The following DNAAF10 variants were observed in gnomAD, a reference collection of about 807,000 sequenced individuals.
DNAAF10 encodes dynein axonemal assembly factor 10, also known as WD repeat domain 92.
DNAAF10 carries 28 observed loss-of-function variants against 43.7 expected under a neutral mutation model. That is an observed-to-expected ratio of 0.64 (90% CI 0.48 to 0.88). The LOEUF (loss-of-function observed/expected upper bound fraction) is 0.88, where lower values mean the gene tolerates loss of function less well. Among genes scored for constraint, DNAAF10 ranks in the 40% least tolerant of loss-of-function variants. The pLI is 0.00. For missense variants in DNAAF10, 403 were observed against 439.1 expected (o/e 0.92, Z 0.73); for synonymous variants, 156 against 157.3 (o/e 0.99, Z 0.06).
At chr2:68,147,614 T>C (rs1673351361) in intron 1 of DNAAF10, 47 bp from the exon 2 acceptor site, 10 of 1,402,516 alleles carry the variant, frequency 7.1e-6, no homozygotes, top group South Asian at 1.3e-5. Flanking sequence ...TGTAAGCAGA[T>C]ATTTATAATC....
At chr2:68,133,264 G>A (rs570248996) in intron 7 of DNAAF10, among the ~76,000 whole-genome samples, 2 of 151,988 alleles carry the variant, frequency 1.3e-5, no homozygotes, top group African/African-American at 2.4e-5. Context: ...AGTCTCTGTC[G>A]CTCTGTCTCA....
intron 1 of DNAAF10, among the ~76,000 whole-genome samples, chr2:68,148,661 G>C (rs1673382220): frequency 1.3e-5 from 2 of 152,090 alleles, no homozygotes; most frequent in East Asian, 1.9e-4. Flanking sequence ...ACTGATATCT[G>C]TCCCACATCA....
intron 6 of DNAAF10, among the ~76,000 whole-genome samples, chr2:68,136,703 G>A (rs184659728): frequency 6.6e-6 from 1 of 152,254 alleles, no homozygotes; most frequent in African/African-American, 2.4e-5. Context: ...CCCCAGTCCA[G>A]AAACTATCTT....
At chr2:68,140,876 T>G (rs542604277) in intron 4 of DNAAF10, among the ~76,000 whole-genome samples, 2 of 152,356 alleles carry the variant, frequency 1.3e-5, no homozygotes, top group South Asian at 4.1e-4. Context: ...AGACTTCTTG[T>G]GCTTGTCATT....
At chr2:68,143,980 C>T (rs1344837980) in intron 3 of DNAAF10, among the ~76,000 whole-genome samples, 1 of 152,160 alleles carries the variant, frequency 6.6e-6, no homozygotes, top group Non-Finnish European at 1.5e-5. Context: ...AAACAACTAG[C>T]CAAATCAATT....
chr2:68,153,261 CAA>C (rs889652458), intron 1 of DNAAF10, among the ~76,000 whole-genome samples: 3 of 145,068 alleles, frequency 2.1e-5, no homozygotes, highest in Non-Finnish European at 4.5e-5. Context: ...AAGACTTCAA[CAA>C]AGACTGATAT....
chr2:68,157,516 C>T lies in DNAAF10; in HGVS notation c.-73G>A, dbSNP rs986312298. 2 of 1,599,626 alleles carry T rather than the reference C, an allele frequency of 1.3e-6. No individual in the cohort carries two copies. Among genetic ancestry groups the T allele is most frequent in the Non-Finnish European group, 1.7e-6 (2 of 1,166,802 alleles). On this transcript the variant is annotated 5_prime_UTR_variant, in exon 1 of 8. Coordinates refer to ENST00000295121, the MANE Select transcript of DNAAF10 (RefSeq NM_138458.4). ...AAAACGGCAACCTGGAAACCAGACT[C>T]CAAACATTGGCAATTTGTCCCTCCC...
At chr2:68,154,881 G>A (rs1226292971) in intron 1 of DNAAF10, among the ~76,000 whole-genome samples, 1 of 152,062 alleles carries the variant, frequency 6.6e-6, no homozygotes, top group Non-Finnish European at 1.5e-5. Context: ...TCCCACCACA[G>A]CCTCCCAAGT....
At chr2:68,140,815 A>G (rs1197423922) in intron 4 of DNAAF10, among the ~76,000 whole-genome samples, 2 of 152,230 alleles carry the variant, frequency 1.3e-5, no homozygotes, top group East Asian at 3.8e-4. Context: ...GGCAACCAAC[A>G]ATGGATCGAA....
At chr2:68,147,408 T>C (rs1673343917) in intron 2 of DNAAF10, 59 bp downstream of exon 2, 2 of 1,257,344 alleles carry the variant, frequency 1.6e-6, no homozygotes, top group African/African-American at 1.5e-5. Context: ...GAAAGAGTAA[T>C]GAAACTATCA....
At chr2:68,140,911 C>G (rs559493156) in intron 4 of DNAAF10, among the ~76,000 whole-genome samples, 16 of 152,290 alleles carry the variant, frequency 1.1e-4, no homozygotes, top group African/African-American at 3.8e-4. Context: ...ACAACAATGA[C>G]TGACACAGCA....
Position 68,147,557 on chromosome 2 carries a change from G to T in DNAAF10, c.194C>A (p.Ala65Asp), listed in dbSNP as rs1299377435. 6.2e-7 allele frequency: 1 copy of T among 1,609,374 alleles called. No individual in the cohort carries two copies. The highest frequency in any genetic ancestry group is 1.7e-5 in the Admixed American group (1 of 59,172). Residue 65 changes from alanine (A) to aspartate (D), a missense_variant, in exon 2 of 8, where the codon GCC (alanine) becomes GAC (aspartate). By Grantham distance (126) the Ala-to-Asp change is moderately radical. Transcript: ENST00000295121. ...AAATGTTCCACATTTAATAGGTTTG[G>T]CCTTTTCAATCTTCATAGAAGGGAG... The part of the protein sequence containing the change: ...DLKLLREIEK[A>D]KPIKCGTFGA...
chr2:68,142,739 A>C (rs1173445031), intron 3 of DNAAF10, among the ~76,000 whole-genome samples: 2 of 152,110 alleles, frequency 1.3e-5, no homozygotes, highest in Non-Finnish European at 2.9e-5. Flanking sequence ...CATGTAATAA[A>C]ATGGCTAAAA....
chr2:68,153,191 A>G (rs181469635), intron 1 of DNAAF10, among the ~76,000 whole-genome samples: 128 of 152,288 alleles, frequency 8.4e-4, no homozygotes, highest in African/African-American at 3.0e-3. Context: ...AAAACTGCTC[A>G]ACTGAACACG....
intron 1 of DNAAF10, among the ~76,000 whole-genome samples, chr2:68,153,292 C>A (rs1041382093): frequency 1.4e-5 from 2 of 145,498 alleles, no homozygotes; most frequent in Non-Finnish European, 3.0e-5. Flanking sequence ...GCTTCCTTTA[C>A]ATCTTTTCTT....
At position 68,144,591 on chromosome 2, in the gene DNAAF10, G is replaced by T. The variant is rs781414054; in HGVS notation, c.409C>A (p.Arg137=). ...EGAPEIVTGS[R]DGTVKVWDPR... Reference sequence around the variant, plus strand: ...ATAGAATACAGGGACTCACCATCTCGGCTGCCAGTCACAATTTCAGGTGCT... The same window carrying T: ...ATAGAATACAGGGACTCACCATCTCTGCTGCCAGTCACAATTTCAGGTGCT... Residue 137 remains arginine (R), a synonymous_variant, in exon 3 of 8, where the codon CGA becomes AGA. Coordinates refer to ENST00000295121, the MANE Select transcript of DNAAF10 (RefSeq NM_138458.4). 1 of 1,613,562 alleles carries T rather than the reference G, an allele frequency of 6.2e-7. No individual in the cohort carries two copies. Among genetic ancestry groups the T allele is most frequent in the Non-Finnish European group, 8.5e-7 (1 of 1,179,886 alleles).
chr2:68,143,628 G>A lies in DNAAF10; in HGVS notation c.415+957C>T, dbSNP rs59978069. ...GGCTTATAAGGGAATGGTTAAGTAC[G>A]GCCATATGATGGAATATTATATAGT... On this transcript the variant is annotated intron_variant, in intron 3 of 7. Transcript: ENST00000295121. Among the ~76,000 whole-genome samples, 787 of 152,184 alleles carry A rather than the reference G, an allele frequency of 5.2e-3. 2 individuals carry two copies. Among genetic ancestry groups the A allele is most frequent in the Middle Eastern group, 0.027 (8 of 294 alleles).
chr2:68,137,188 A>G, intron 6 of DNAAF10, 111 bp downstream of exon 6: 2 of 1,258,294 alleles, frequency 1.6e-6, no homozygotes, highest in Non-Finnish European at 2.1e-6. Flanking sequence ...TATATCAAAA[A>G]TAGCTCCCTT....
intron 1 of DNAAF10, 25 bp from the exon 2 acceptor site, chr2:68,147,592 A>C: frequency 6.5e-7 from 1 of 1,531,460 alleles, no homozygotes; most frequent in Non-Finnish European, 8.9e-7. Context: ...GGAAGAGAGG[A>C]TATATTATTT....
Sources: allele counts gnomAD v4.1 joint callset (sites outside exome capture counted in the v4.1 genomes callset), GRCh38; gene constraint gnomAD v4.1.1; transcripts MANE v1.5; gene names NCBI Gene and HGNC (gene_info 2026-07-23, HGNC 2026-07-21).